Variants in EPB41L5 observed in about 807,000 individuals in gnomAD.
EPB41L5 encodes the protein erythrocyte membrane protein band 4.1 like 5.
EPB41L5 carries 55 observed loss-of-function variants against 106.6 expected under a neutral mutation model. The observed-to-expected ratio is 0.52, with a 90% CI of 0.42 to 0.65. The LOEUF is 0.65. Ranked by LOEUF, EPB41L5 falls within the 30% of genes least tolerant of loss-of-function variation. The pLI is 0.00. For missense variants in EPB41L5, 871 were observed against 882.1 expected (o/e 0.99, Z 0.16); for synonymous variants, 297 against 306.7 (o/e 0.97, Z 0.33).
chr2:120,047,801 T>A (rs1476459146), intron 3 of EPB41L5, among the ~76,000 whole-genome samples: 1 of 152,248 alleles, frequency 6.6e-6, no homozygotes, highest in Non-Finnish European at 1.5e-5. Context: ...TGTGGGTTTG[T>A]CATAAACAGC....
intron 22 of EPB41L5, among the ~76,000 whole-genome samples, chr2:120,166,808 T>C (rs1350018353): frequency 6.6e-6 from 1 of 152,264 alleles, no homozygotes; most frequent in East Asian, 1.9e-4. Flanking sequence ...CTTATGAGTA[T>C]GTAAGGCCAC....
At chr2:120,057,744 A>G (rs1328044389) in intron 3 of EPB41L5, among the ~76,000 whole-genome samples, 2 of 75,252 alleles carry the variant, frequency 2.7e-5, no homozygotes, top group Non-Finnish European at 3.8e-5. Flanking sequence ...TTAGGGAAAC[A>G]CTTTTTTTTT....
intron 3 of EPB41L5, among the ~76,000 whole-genome samples, chr2:120,069,128 CAAAAAAAAAAAAAAAAAAAAAAAA>C (rs539813602): frequency 1.0e-4 from 8 of 79,556 alleles, no homozygotes; most frequent in Admixed American, 1.4e-4. Flanking sequence ...AACTCTGTCT[CAAAAAAAAAAAAAAAAAAAAAAAA>C]AAAAAAAAAA....
At chr2:120,067,365 G>A (rs751158367) in intron 3 of EPB41L5, among the ~76,000 whole-genome samples, 20 of 152,138 alleles carry the variant, frequency 1.3e-4, no homozygotes, top group African/African-American at 4.3e-4. Flanking sequence ...GCCTATCTGC[G>A]TTTCTGAAAT....
intron 18 of EPB41L5, among the ~76,000 whole-genome samples, chr2:120,137,635 C>T (rs555903459): frequency 2.5e-4 from 38 of 152,070 alleles, no homozygotes; most frequent in African/African-American, 5.8e-4. Context: ...CACATGCAGC[C>T]TACCAGGACT....
intron 16 of EPB41L5, chr2:120,108,442 AT>A (rs1438187412): frequency 1.3e-5 from 2 of 152,210 alleles, no homozygotes; most frequent in African/African-American, 4.8e-5. Context: ...TTTGTAAGAA[AT>A]TGCAGATTCC....
intron 3 of EPB41L5, among the ~76,000 whole-genome samples, chr2:120,061,244 A>T (rs1292738759): frequency 7.2e-6 from 1 of 138,268 alleles, no homozygotes; most frequent in African/African-American, 2.7e-5. Flanking sequence ...TTTTTTTGAG[A>T]CGGAGTCTCG....
intron 21 of EPB41L5, 117 bp downstream of exon 21, chr2:120,161,091 A>C: frequency 1.3e-6 from 1 of 750,946 alleles, no homozygotes. Flanking sequence ...AGATGTGAGA[A>C]GAGCAGCCGA....
At position 120,042,025 on chromosome 2, in the gene EPB41L5, A is replaced by T; in HGVS notation, c.200A>T (p.Glu67Val). 6.2e-7 allele frequency: 1 copy of T among 1,611,770 alleles called. No homozygotes were observed. Among genetic ancestry groups the T allele is most frequent in the Non-Finnish European group, 8.5e-7 (1 of 1,178,706 alleles). ...VDLPKKAKGQ[E>V]LFDQIMYHLD... ...TTTCAGAAAAAAGCCAAAGGACAAG[A>T]GTTGTTTGATCAGATTATGTACCAC... Residue 67 changes from glutamate (E) to valine (V), a missense_variant, in exon 3 of 25, where the codon GAG (glutamate) becomes GTG (valine). Glu to Val is a moderately radical substitution (Grantham distance 121). Coordinates refer to ENST00000263713, the MANE Select transcript of EPB41L5 (RefSeq NM_020909.4).
rs909279575 is a variant in EPB41L5, at chr2:120,105,139, A to G, written c.1337+4325A>G. The stretch of plus-strand genomic sequence containing the variant: ...CATATGATTTTTAGATTGTATTACT[A>G]TTTTTGATCCTTTTTAAACTTTAGA... On this transcript the variant is annotated intron_variant, in intron 16 of 24. Transcript: ENST00000263713. 1.2e-5 allele frequency: 12 copies of G among 976,418 alleles called. No individual in the cohort carries two copies. The African/African-American group carries it at 1.8e-4, about 14-fold the overall frequency. 60.5% of individuals were successfully genotyped at this position (976,418 alleles called of 1,614,324 possible).
chr2:120,025,463 T>C (rs1678240613), intron 2 of EPB41L5, among the ~76,000 whole-genome samples: 2 of 152,180 alleles, frequency 1.3e-5, no homozygotes, highest in African/African-American at 4.8e-5. Context: ...GAGATGGTGC[T>C]CCTGAATACA....
At chr2:120,106,605 TATGTC>T in intron 16 of EPB41L5, 1 of 985,040 alleles carries the variant, frequency 1.0e-6, no homozygotes, top group Non-Finnish European at 1.2e-6. Context: ...ACTTAAGTAT[TATGTC>T]ATTTAATTTA....
At chr2:120,166,678 T>C (rs1687426711) in intron 22 of EPB41L5, among the ~76,000 whole-genome samples, 3 of 152,260 alleles carry the variant, frequency 2.0e-5, no homozygotes, top group Admixed American at 6.5e-5. Context: ...CCTCATGATC[T>C]GCCCACCTCG....
chr2:120,029,369 A>G (rs780258413), intron 2 of EPB41L5, among the ~76,000 whole-genome samples: 1 of 152,098 alleles, frequency 6.6e-6, no homozygotes, highest in Admixed American at 6.6e-5. Context: ...AGTATTGTAT[A>G]TACAATATAC....
chr2:120,052,764 C>T (rs1481275189), intron 3 of EPB41L5, among the ~76,000 whole-genome samples: 2 of 152,152 alleles, frequency 1.3e-5, no homozygotes, highest in Non-Finnish European at 2.9e-5. Flanking sequence ...AGCCAGTTCT[C>T]CAATGAGTCT....
intron 2 of EPB41L5, among the ~76,000 whole-genome samples, chr2:120,025,251 A>G (rs916802856): frequency 6.6e-6 from 1 of 152,054 alleles, no homozygotes; most frequent in Non-Finnish European, 1.5e-5. Context: ...GAATTTATCC[A>G]TTTCTTCTAG....
At position 120,103,923 on chromosome 2, in the gene EPB41L5, G is replaced by A. The variant is rs927191180; in HGVS notation, c.1337+3109G>A. ...TATTCTTGAATGTTATCATTGCATG[G>A]AGTAGATGCTGGTAACTACTCATAG... is the stretch of plus-strand genomic sequence containing the variant. On this transcript the variant is annotated intron_variant, in intron 16 of 24. Coordinates refer to ENST00000263713, the MANE Select transcript of EPB41L5 (RefSeq NM_020909.4). The A allele has an allele frequency of 3.2e-6, 3 of 927,250 alleles. No homozygotes were observed. In the East Asian group the frequency reaches 9.5e-5, roughly 29 times the overall value. The allele number at this position is 927,250 out of a possible 1,614,324, so 57.4% of individuals were successfully genotyped here.
intron 16 of EPB41L5, chr2:120,106,672 G>A (rs1297003248): frequency 1.0e-6 from 1 of 984,894 alleles, no homozygotes; most frequent in East Asian, 1.1e-4. Context: ...TCTTGAATTA[G>A]GTTGGTTACA....
At chr2:120,122,960 C>T (rs894312938) in intron 16 of EPB41L5, among the ~76,000 whole-genome samples, 2 of 152,114 alleles carry the variant, frequency 1.3e-5, no homozygotes, top group Non-Finnish European at 2.9e-5. Context: ...ATTTGGCTCT[C>T]TGTCTGTTAT....
Sources: allele counts gnomAD v4.1 joint callset (sites outside exome capture counted in the v4.1 genomes callset), GRCh38; gene constraint gnomAD v4.1.1; transcripts MANE v1.5; gene names NCBI Gene and HGNC (gene_info 2026-07-23, HGNC 2026-07-21).